The following CIT variants were observed in gnomAD, a reference collection of about 807,000 sequenced individuals.
CIT encodes the protein citron Rho-interacting kinase.
In CIT, 79 loss-of-function variants were observed where a neutral mutation model predicts 272.7. The ratio of observed to expected loss-of-function variants is 0.29; its 90% confidence interval spans 0.24 to 0.35. CIT has a LOEUF of 0.35. CIT is among the 10% of genes least tolerant of loss of function. CIT has a pLI of 1.00. For synonymous variants in CIT, 948 were observed against 995.6 expected (o/e 0.95, Z 0.90); for missense variants, 1,909 against 2,618.3 (o/e 0.73, Z 5.91).
intron 41 of CIT, among the ~76,000 whole-genome samples, chr12:119,702,537 A>G (rs1332632090): frequency 6.6e-6 from 1 of 152,088 alleles, no homozygotes; most frequent in Non-Finnish European, 1.5e-5. Context: ...AATACAAAAA[A>G]TTAGCCAGGT....
chr12:119,816,550 C>T (rs1426218850), intron 9 of CIT, among the ~76,000 whole-genome samples: 2 of 152,100 alleles, frequency 1.3e-5, no homozygotes, highest in African/African-American at 4.8e-5. Flanking sequence ...CACAGAAATC[C>T]CCTGGGGATC....
At chr12:119,842,388 CAAAA>C (rs58634070) in intron 5 of CIT, among the ~76,000 whole-genome samples, 2 of 71,526 alleles carry the variant, frequency 2.8e-5, no homozygotes, top group African/African-American at 5.2e-5. Context: ...GACTGCATCT[CAAAA>C]AAAAAAAAAA....
chr12:119,785,124 A>G (rs1721319429), intron 10 of CIT, 59 bp from the exon 11 acceptor site: 1 of 1,544,104 alleles, frequency 6.5e-7, no homozygotes, highest in Non-Finnish European at 8.8e-7. Flanking sequence ...AAGCTGCATT[A>G]GGAAGCTGCA....
intron 3 of CIT, among the ~76,000 whole-genome samples, chr12:119,862,808 T>TAAAAAAAAAAAAAAAA (rs1157467178): frequency 8.8e-4 from 9 of 10,252 alleles, no homozygotes; most frequent in Admixed American, 1.7e-3. Context: ...AGACTCTACC[T>TAAAAAAAAAAAAAAAA]AAAAAAAAAA....
At chr12:119,796,914 A>C (rs1410950636) in intron 10 of CIT, among the ~76,000 whole-genome samples, 1 of 152,232 alleles carries the variant, frequency 6.6e-6, no homozygotes, top group African/African-American at 2.4e-5. Flanking sequence ...TGAGATGGAA[A>C]TCACCAGATT....
At chr12:119,829,697 ATTCT>A (rs1009423917) in intron 7 of CIT, among the ~76,000 whole-genome samples, 1 of 152,212 alleles carries the variant, frequency 6.6e-6, no homozygotes, top group African/African-American at 2.4e-5. Context: ...GCTGTTCACC[ATTCT>A]TTGAGATTCT....
intron 24 of CIT, among the ~76,000 whole-genome samples, chr12:119,737,506 C>T (rs559675437): frequency 1.3e-5 from 2 of 151,958 alleles, no homozygotes; most frequent in Admixed American, 1.3e-4. Context: ...TGATGGTAGC[C>T]CATTTCTGCC....
At chr12:119,758,094 C>T (rs1296442391) in intron 21 of CIT, among the ~76,000 whole-genome samples, 1 of 152,164 alleles carries the variant, frequency 6.6e-6, no homozygotes, top group African/African-American at 2.4e-5. Context: ...TTTGGGAGAT[C>T]TCTGAAGAGA....
At chr12:119,719,009 G>T in intron 30 of CIT, 148 bp from the exon 31 acceptor site, 1 of 766,494 alleles carries the variant, frequency 1.3e-6, no homozygotes, top group Admixed American at 2.8e-5. Flanking sequence ...TGTGAAGGGG[G>T]GGAAGGGTAG....
At chr12:119,758,162 G>A (rs1236365666) in intron 21 of CIT, among the ~76,000 whole-genome samples, 1 of 152,148 alleles carries the variant, frequency 6.6e-6, no homozygotes, top group African/African-American at 2.4e-5. Flanking sequence ...AAAAGATTCA[G>A]CTCAAAGTGC....
chr12:119,771,549 G>A (rs1236643584), intron 17 of CIT, among the ~76,000 whole-genome samples: 1 of 152,152 alleles, frequency 6.6e-6, no homozygotes, highest in Non-Finnish European at 1.5e-5. Flanking sequence ...AAGGTCAAAG[G>A]TTGAGGGTTT....
intron 3 of CIT, 86 bp from the exon 4 acceptor site, chr12:119,857,784 G>A (rs990661324): frequency 1.7e-6 from 2 of 1,200,806 alleles, no homozygotes; most frequent in African/African-American, 3.1e-5. Flanking sequence ...AAAGAAAATA[G>A]CATTCGGATA....
chr12:119,872,072 A>C (rs1029175773), intron 2 of CIT, among the ~76,000 whole-genome samples: 1 of 152,202 alleles, frequency 6.6e-6, no homozygotes, highest in African/African-American at 2.4e-5. Context: ...GAAAAAATGA[A>C]CACCACATGA....
chr12:119,861,538 G>T (rs2138337808), intron 3 of CIT, among the ~76,000 whole-genome samples: 1 of 151,638 alleles, frequency 6.6e-6, no homozygotes, highest in Non-Finnish European at 1.5e-5. Context: ...AGTGAGCCGA[G>T]ATCGCGCCAT....
intron 5 of CIT, among the ~76,000 whole-genome samples, chr12:119,838,257 G>C (rs1314220602): frequency 2.0e-5 from 3 of 151,994 alleles, no homozygotes; most frequent in Admixed American, 6.6e-5. Context: ...ATTTTTAGTA[G>C]AGACAGGATT....
intron 43 of CIT, 135 bp downstream of exon 43, chr12:119,701,489 G>A: frequency 1.0e-6 from 1 of 960,268 alleles, no homozygotes; most frequent in Admixed American, 2.6e-5. Context: ...GGACTTGGTG[G>A]TGCTGGAAGG....
chr12:119,771,286 G>T (rs1963113408), intron 17 of CIT, among the ~76,000 whole-genome samples: 1 of 152,148 alleles, frequency 6.6e-6, no homozygotes, highest in Admixed American at 6.5e-5. Flanking sequence ...TGCTGCAGGA[G>T]GTTGCAGGCA....
chr12:119,703,140 C>T (rs546235738), intron 41 of CIT, among the ~76,000 whole-genome samples: 131 of 150,634 alleles, frequency 8.7e-4, no homozygotes, highest in Middle Eastern at 3.4e-3. Flanking sequence ...TGAGGAAGCA[C>T]GATATAGTGA....
intron 47 of CIT, among the ~76,000 whole-genome samples, chr12:119,689,870 G>A (rs1290615561): frequency 1.3e-5 from 2 of 151,560 alleles, no homozygotes; most frequent in African/African-American, 2.4e-5. Flanking sequence ...TCGTAGAGAC[G>A]GGGTTTCACC....
Sources: gnomAD v4.1 joint callset for allele counts (sites outside exome capture counted in the v4.1 genomes callset) on GRCh38, gnomAD v4.1.1 for gene constraint, MANE v1.5 for transcripts, NCBI Gene and HGNC (gene_info 2026-07-23, HGNC 2026-07-21) for gene names.